The following TES variants were observed in gnomAD, a reference collection of about 807,000 sequenced individuals.
TES encodes testin LIM domain protein, also known as testin.
In TES, 41 loss-of-function variants were observed where a neutral mutation model predicts 48.2. That is an observed-to-expected ratio of 0.85 (90% CI 0.66 to 1.10). The LOEUF (loss-of-function observed/expected upper bound fraction) is 1.10, where lower values mean the gene tolerates loss of function less well. TES is among the 50% of genes least tolerant of loss of function. The pLI, the probability that TES is intolerant of heterozygous loss-of-function variation, is 0.00. For synonymous variants in TES, 162 were observed against 174.9 expected, an observed-to-expected ratio of 0.93 and a Z score of 0.58; for missense variants, 463 against 515.1, an observed-to-expected ratio of 0.90 and a Z score of 0.98.
At chr7:116,231,982 G>A (rs1232669694) in intron 1 of TES, among the ~76,000 whole-genome samples, 3 of 152,168 alleles carry the variant, frequency 2.0e-5, no homozygotes, top group Non-Finnish European at 4.4e-5. Context: ...GTTGGTAGGA[G>A]AAAACAACTT....
At chr7:116,253,421 C>CT (rs543072464) in intron 6 of TES, among the ~76,000 whole-genome samples, 25 of 151,368 alleles carry the variant, frequency 1.7e-4, no homozygotes, top group South Asian at 8.4e-4. Flanking sequence ...TACTTTAGAC[C>CT]TTTTTTTTTG....
chr7:116,225,169 A>G (rs1187979244), intron 1 of TES, among the ~76,000 whole-genome samples: 4 of 151,802 alleles, frequency 2.6e-5, no homozygotes, highest in Admixed American at 2.6e-4. Context: ...TTTAAAGTAT[A>G]GTTAAAAACA....
At chr7:116,220,755 C>A (rs566282226) in intron 1 of TES, among the ~76,000 whole-genome samples, 1 of 152,098 alleles carries the variant, frequency 6.6e-6, no homozygotes, top group Non-Finnish European at 1.5e-5. Context: ...TTGGCCCTGG[C>A]GTTTATTAGC....
intron 2 of TES, among the ~76,000 whole-genome samples, chr7:116,238,582 C>CATTATTATTATTATT (rs1464181259): frequency 1.9e-5 from 2 of 105,190 alleles, no homozygotes; most frequent in African/African-American, 7.3e-5. Context: ...ACTCAACATC[C>CATTATTATTATTATT]ATCATTATTA....
chr7:116,249,257 C>A lies in TES; in HGVS notation c.351C>A (p.Val117=). ...TTACCTATGAGTGGGCTCCTCCTGT[C>A]CAGAATCAAGCATTGGTAAATGATA... The part of the protein sequence containing the change: ...NTVTYEWAPP[V]QNQALARQYM... The change falls in exon 3 of 7, where the codon GTC becomes GTA. Residue 117 remains valine, a synonymous_variant. Transcript: ENST00000358204. 6.2e-7 allele frequency: 1 copy of A among 1,613,974 alleles called. No individual in the cohort carries two copies.
At chr7:116,217,761 G>A (rs1377932075) in intron 1 of TES, 3 of 518,266 alleles carry the variant, frequency 5.8e-6, no homozygotes, top group African/African-American at 5.8e-5. Flanking sequence ...AGCACTATTA[G>A]AGGATTAAAT....
intron 1 of TES, among the ~76,000 whole-genome samples, chr7:116,218,407 A>G (rs898280418): frequency 5.3e-5 from 8 of 152,162 alleles, no homozygotes; most frequent in African/African-American, 1.9e-4. Flanking sequence ...TGATAAAGTG[A>G]TATCATGTTT....
chr7:116,246,555 C>T (rs899485656), intron 2 of TES, among the ~76,000 whole-genome samples: 3 of 152,214 alleles, frequency 2.0e-5, no homozygotes, highest in Non-Finnish European at 4.4e-5. Context: ...AGTCTTATCA[C>T]CCTCCTATTG....
intron 1 of TES, among the ~76,000 whole-genome samples, chr7:116,215,945 C>T (rs1020934327): frequency 6.6e-6 from 1 of 152,110 alleles, no homozygotes; most frequent in Admixed American, 6.5e-5. Context: ...GTTTTAATTT[C>T]CCATTCTTCA....
intron 1 of TES, among the ~76,000 whole-genome samples, chr7:116,221,558 CCTTG>C (rs1347119266): frequency 6.6e-6 from 1 of 152,142 alleles, no homozygotes; most frequent in Admixed American, 6.5e-5. Flanking sequence ...CCTCAAGAGA[CCTTG>C]CTTGCTTCTA....
At chr7:116,233,790 C>T (rs964207507) in intron 1 of TES, among the ~76,000 whole-genome samples, 1 of 152,128 alleles carries the variant, frequency 6.6e-6, no homozygotes, top group African/African-American at 2.4e-5. Context: ...CTGGCAGACT[C>T]AGTGTCTAGT....
At chr7:116,215,292 T>C (rs868238283) in intron 1 of TES, among the ~76,000 whole-genome samples, 1 of 152,152 alleles carries the variant, frequency 6.6e-6, no homozygotes, top group Non-Finnish European at 1.5e-5. Flanking sequence ...ATAACTGTTA[T>C]AAAAAGAGAA....
chr7:116,215,738 G>A (rs981221505), intron 1 of TES, among the ~76,000 whole-genome samples: 4 of 152,098 alleles, frequency 2.6e-5, no homozygotes, highest in African/African-American at 4.8e-5. Flanking sequence ...AGGGATGCTC[G>A]TGGTCTTTTC....
chr7:116,232,269 A>C (rs1232563836), intron 1 of TES, among the ~76,000 whole-genome samples: 1 of 152,230 alleles, frequency 6.6e-6, no homozygotes, highest in African/African-American at 2.4e-5. Flanking sequence ...CTGTCCACAA[A>C]TATCAGGATT....
At chr7:116,229,008 A>AC (rs1432659047) in intron 1 of TES, among the ~76,000 whole-genome samples, 1 of 96,714 alleles carries the variant, frequency 1.0e-5, no homozygotes, top group Non-Finnish European at 2.3e-5. Flanking sequence ...CTATATATAT[A>AC]TATATATATA....
At chr7:116,250,864 G>A (rs1389764649) in intron 4 of TES, among the ~76,000 whole-genome samples, 1 of 152,094 alleles carries the variant, frequency 6.6e-6, no homozygotes, top group African/African-American at 2.4e-5. Flanking sequence ...TATATGCTTA[G>A]GTTAATTCAG....
chr7:116,231,446 T>C (rs1799698836), intron 1 of TES, among the ~76,000 whole-genome samples: 1 of 152,120 alleles, frequency 6.6e-6, no homozygotes, highest in Non-Finnish European at 1.5e-5. Flanking sequence ...TCTGAGAACA[T>C]GTGCCCAAGG....
At chr7:116,225,057 A>G (rs953800380) in intron 1 of TES, among the ~76,000 whole-genome samples, 1 of 151,830 alleles carries the variant, frequency 6.6e-6, no homozygotes, top group African/African-American at 2.4e-5. Context: ...ATTAAATGTG[A>G]TGGTTATATG....
At chr7:116,227,655 T>C (rs1165459867) in intron 1 of TES, among the ~76,000 whole-genome samples, 1 of 152,098 alleles carries the variant, frequency 6.6e-6, no homozygotes, top group Non-Finnish European at 1.5e-5. Context: ...CTAAAATGCT[T>C]CTTTAGGAGT....
Sources: allele counts gnomAD v4.1 joint callset (sites outside exome capture counted in the v4.1 genomes callset), GRCh38; gene constraint gnomAD v4.1.1; transcripts MANE v1.5; gene names NCBI Gene and HGNC (gene_info 2026-07-23, HGNC 2026-07-21).